KDM5A: variants seen among roughly 807,000 people sequenced by gnomAD.
The protein encoded by KDM5A is lysine demethylase 5A, also known as lysine-specific demethylase 5A.
Under a neutral mutation model 193.5 loss-of-function variants are expected in KDM5A, and 42 were observed. That is an observed-to-expected ratio of 0.22 (90% CI 0.17 to 0.28). KDM5A has a LOEUF of 0.28. Ranked by LOEUF, KDM5A falls within the 10% of genes least tolerant of loss-of-function variation. KDM5A has a pLI of 1.00. For missense variants in KDM5A, 1,692 were observed against 2,055.1 expected (o/e 0.82, Z 3.42); for synonymous variants, 796 against 718.1 (o/e 1.11, Z -1.73).
At chr12:333,253 T>C (rs1041675576) in intron 12 of KDM5A, 3 of 541,592 alleles carry the variant, frequency 5.5e-6, no homozygotes, top group Non-Finnish European at 9.9e-6. Context: ...GCTTCGTCTC[T>C]ACAAAAAATA....
At position 323,755 on chromosome 12, in the gene KDM5A, C is replaced by T. The variant is rs1943750600; in HGVS notation, c.1995G>A (p.Val665=). 5 of 1,614,006 alleles carry T rather than the reference C, an allele frequency of 3.1e-6. No homozygotes were observed. The highest frequency in any genetic ancestry group is 3.4e-6 in the Non-Finnish European group (4 of 1,179,848). The change falls in exon 15 of 28, where the codon GTG becomes GTA. Residue 665 remains valine (V), a synonymous_variant. Coordinates refer to ENST00000399788, the MANE Select transcript of KDM5A (RefSeq NM_001042603.3). The part of the protein sequence containing the change: ...QMGVLMSEEE[V]FELVPDDERQ... Reference sequence around the variant, plus strand: ...GCTCATCATCAGGAACAAGTTCAAACACTTCTTCTTCTGACATCAGGACAC... The same window carrying T: ...GCTCATCATCAGGAACAAGTTCAAATACTTCTTCTTCTGACATCAGGACAC...
At chr12:293,421 G>A (rs1469300529) in intron 26 of KDM5A, among the ~76,000 whole-genome samples, 1 of 152,136 alleles carries the variant, frequency 6.6e-6, no homozygotes, top group East Asian at 1.9e-4. Flanking sequence ...TAATGTAACT[G>A]AATTGTCTAC....
Position 283,905 on chromosome 12 carries a change from C to T in KDM5A, c.*1551G>A, listed in dbSNP as rs1265736814. The T allele has an allele frequency of 4.3e-6, 1 of 232,422 alleles. No individual in the cohort carries two copies. Among genetic ancestry groups the T allele is most frequent in the Non-Finnish European group, 8.5e-6 (1 of 117,794 alleles). 14.4% of individuals were successfully genotyped at this position (232,422 alleles called of 1,614,324 possible). ...ACCTTAAGAAGAACAGAGAACACAA[C>T]AGGAGGGAAGAGGACACAGCACCAT... On this transcript the variant is annotated 3_prime_UTR_variant, in exon 28 of 28. Transcript: ENST00000399788.
intron 3 of KDM5A, among the ~76,000 whole-genome samples, chr12:372,562 T>C (rs1389618047): frequency 6.6e-6 from 1 of 152,208 alleles, no homozygotes. Context: ...CTTCCTCTTT[T>C]CCTGATTGAA....
rs60377454 is a variant in KDM5A, at chr12:323,210, C to CAAAAAAAAAAAAAAAA, written c.2151-20_2151-5dup. 405 of 297,088 alleles carry CAAAAAAAAAAAAAAAA rather than the reference C, an allele frequency of 1.4e-3. 7 individuals carry two copies. The highest frequency in any genetic ancestry group is 2.9e-3 in the Admixed American group (23 of 7,930). 18.4% of individuals were successfully genotyped at this position (297,088 alleles called of 1,614,324 possible). On this transcript the variant is annotated splice_region_variant and splice_polypyrimidine_tract_variant and intron_variant, in intron 15 of 27. Coordinates refer to ENST00000399788, the MANE Select transcript of KDM5A (RefSeq NM_001042603.3). ...GTCTTCTAATGGGTAGCGATATCTA[C>CAAAAAAAAAAAAAAAA]AAAAAAAAAAAAAAAAAAAAAAAAA...
chr12:371,430 C>A (rs1189802750), intron 3 of KDM5A, among the ~76,000 whole-genome samples: 1 of 151,944 alleles, frequency 6.6e-6, no homozygotes, highest in Admixed American at 6.6e-5. Context: ...AGCGTCTGTT[C>A]ATATCCTTTG....
intron 14 of KDM5A, among the ~76,000 whole-genome samples, chr12:326,875 A>G (rs987554636): frequency 1.1e-5 from 1 of 90,792 alleles, no homozygotes; most frequent in Non-Finnish European, 2.6e-5. Flanking sequence ...AAAAAAAAAA[A>G]AAAAAAAAAA....
chr12:338,511 T>C (rs543121080), intron 10 of KDM5A, among the ~76,000 whole-genome samples: 2 of 152,220 alleles, frequency 1.3e-5, no homozygotes, highest in Admixed American at 1.3e-4. Context: ...ACTTTGCCCA[T>C]GCACTGTTTC....
At chr12:380,047 C>T (rs894968903) in intron 3 of KDM5A, among the ~76,000 whole-genome samples, 1 of 151,706 alleles carries the variant, frequency 6.6e-6, no homozygotes, top group Non-Finnish European at 1.5e-5. Context: ...GATGGGAGAT[C>T]ACTTGAGATC....
At chr12:386,428 C>G (rs1033865562) in intron 1 of KDM5A, among the ~76,000 whole-genome samples, 1 of 152,174 alleles carries the variant, frequency 6.6e-6, no homozygotes, top group African/African-American at 2.4e-5. Context: ...TTGTGGTTGT[C>G]TGGCATCACC....
rs1293380891 is a variant in KDM5A at position 307,347 on chromosome 12, A to T, written c.3930+107T>A. 4.0e-6 allele frequency: 5 copies of T among 1,257,294 alleles called. No individual in the cohort carries two copies. Among genetic ancestry groups the T allele is most frequent in the Non-Finnish European group, 4.6e-6 (4 of 869,384 alleles). 77.9% of individuals were successfully genotyped at this position (1,257,294 alleles called of 1,614,324 possible). On this transcript the variant is annotated intron_variant, in intron 23 of 27. Transcript: ENST00000399788. This position sits in a 1 kb window ranked among gnomAD's most constrained non-coding sequence, Gnocchi z 4.3. ...AGGAGAATGCAATGGATAATTGCTG[A>T]CAAGTTACTGTTATTTTCCTAATCA...
intron 21 of KDM5A, 69 bp from the exon 22 acceptor site, chr12:310,033 G>A: frequency 1.3e-6 from 2 of 1,527,346 alleles, no homozygotes; most frequent in South Asian, 2.3e-5. Flanking sequence ...AATAATAAAG[G>A]AACCATTTGT....
intron 3 of KDM5A, among the ~76,000 whole-genome samples, chr12:383,617 T>C (rs985037684): frequency 6.6e-6 from 1 of 152,230 alleles, no homozygotes; most frequent in African/African-American, 2.4e-5. Context: ...TAATTTATTT[T>C]GCATATTGTA....
intron 20 of KDM5A, among the ~76,000 whole-genome samples, chr12:312,766 C>T (rs905667821): frequency 3.9e-5 from 6 of 152,166 alleles, no homozygotes; most frequent in African/African-American, 1.4e-4. Context: ...ACACTTACAT[C>T]GGCATGACTG....
chr12:375,971 G>C (rs1462368249), intron 3 of KDM5A, among the ~76,000 whole-genome samples: 1 of 152,218 alleles, frequency 6.6e-6, no homozygotes, highest in Non-Finnish European at 1.5e-5. Flanking sequence ...CCGGCCATGT[G>C]GGTGTCAAGG....
intron 24 of KDM5A, among the ~76,000 whole-genome samples, chr12:301,673 G>A (rs1943442431): frequency 6.6e-6 from 1 of 152,154 alleles, no homozygotes; most frequent in African/African-American, 2.4e-5. Flanking sequence ...TGGAAGTTCT[G>A]GCCAGGGCAA....
intron 20 of KDM5A, among the ~76,000 whole-genome samples, chr12:312,693 T>C (rs897440108): frequency 1.3e-5 from 2 of 152,162 alleles, no homozygotes; most frequent in Non-Finnish European, 2.9e-5. Flanking sequence ...AATTTGAAAA[T>C]GCATTTAATA....
intron 24 of KDM5A, among the ~76,000 whole-genome samples, chr12:299,101 G>A (rs113599931): frequency 7.2e-5 from 11 of 152,242 alleles, no homozygotes; most frequent in African/African-American, 2.4e-4. Flanking sequence ...ATGGAAGAAT[G>A]GAACCAACTT....
At chr12:314,331 G>C (rs1943624663) in intron 19 of KDM5A, among the ~76,000 whole-genome samples, 1 of 152,112 alleles carries the variant, frequency 6.6e-6, no homozygotes, top group South Asian at 2.1e-4. Flanking sequence ...GAGTAGCTGG[G>C]AGTACAGGCA....
Sources: allele counts gnomAD v4.1 joint callset (sites outside exome capture counted in the v4.1 genomes callset), GRCh38; gene constraint gnomAD v4.1.1; non-coding constraint Gnocchi (gnomAD v3.1); transcripts MANE v1.5; gene names NCBI Gene and HGNC (gene_info 2026-07-23, HGNC 2026-07-21).